The following BICD1 variants were observed in gnomAD, a reference collection of about 807,000 sequenced individuals.
BICD1 encodes protein bicaudal D homolog 1.
BICD1 carries 35 observed loss-of-function variants against 92.5 expected under a neutral mutation model. The ratio of observed to expected loss-of-function variants is 0.38; its 90% CI spans 0.29 to 0.50. The LOEUF (loss-of-function observed/expected upper bound fraction) is 0.50. Ranked by LOEUF, BICD1 falls within the 20% of genes least tolerant of loss-of-function variation. The pLI, the probability that BICD1 is intolerant of heterozygous loss-of-function variation, is 0.93. For missense variants in BICD1, 950 were observed against 1,189.8 expected, an observed-to-expected ratio of 0.80 and a Z score of 2.97; for synonymous variants, 429 against 465.1, an observed-to-expected ratio of 0.92 and a Z score of 1.00.
At chr12:32,305,258 A>G (rs1341715437) in intron 3 of BICD1, among the ~76,000 whole-genome samples, 1 of 152,174 alleles carries the variant, frequency 6.6e-6, no homozygotes, top group Non-Finnish European at 1.5e-5. Flanking sequence ...AAACAAAGTA[A>G]TGGTGATGAT....
chr12:32,355,340 G>GA (rs1939054625), intron 8 of BICD1, among the ~76,000 whole-genome samples: 1 of 152,136 alleles, frequency 6.6e-6, no homozygotes, highest in Non-Finnish European at 1.5e-5. Context: ...TAAATCCAAG[G>GA]ATTTTTTTTA....
intron 2 of BICD1, among the ~76,000 whole-genome samples, chr12:32,273,275 C>T (rs1441764403): frequency 1.3e-5 from 2 of 152,136 alleles, no homozygotes; most frequent in Non-Finnish European, 2.9e-5. Context: ...TTTTTGTTTG[C>T]TTTTACTGAA....
chr12:32,252,312 A>G (rs1946589166), intron 2 of BICD1, among the ~76,000 whole-genome samples: 1 of 150,412 alleles, frequency 6.6e-6, no homozygotes, highest in Non-Finnish European at 1.5e-5. Context: ...CTAGCAAACC[A>G]GTTTCCCTAG....
Position 32,382,499 on chromosome 12 carries a change from T to C in BICD1, c.*4872T>C, listed in dbSNP as rs1940218351. On this transcript the variant is annotated 3_prime_UTR_variant, in exon 10 of 10. Coordinates refer to ENST00000652176, the MANE Select transcript of BICD1 (RefSeq NM_001714.4). ...AGGAAAGTAAGGAGATTGTTATCTA[T>C]ATCTAGTCTCCTTTCCATATTGAAC... 6.6e-6 allele frequency: 1 copy of C among 152,072 alleles called. No homozygotes were observed. 9.4% of individuals were successfully genotyped at this position (152,072 alleles called of 1,614,324 possible).
At chr12:32,169,125 T>G (rs1271813921) in intron 1 of BICD1, among the ~76,000 whole-genome samples, 1 of 152,102 alleles carries the variant, frequency 6.6e-6, no homozygotes, top group Admixed American at 6.6e-5. Context: ...TCTGTGGAGT[T>G]TAAGGATCTG....
At chr12:32,253,435 A>G (rs1946618937) in intron 2 of BICD1, among the ~76,000 whole-genome samples, 1 of 152,012 alleles carries the variant, frequency 6.6e-6, no homozygotes, top group African/African-American at 2.4e-5. Context: ...TTTCAAAAGG[A>G]CTCAAAATAT....
At chr12:32,120,333 AT>A (rs1942097447) in intron 1 of BICD1, among the ~76,000 whole-genome samples, 1 of 152,250 alleles carries the variant, frequency 6.6e-6, no homozygotes, top group South Asian at 2.1e-4. Flanking sequence ...TAAATATAGA[AT>A]TGAAAATGAG....
intron 1 of BICD1, among the ~76,000 whole-genome samples, chr12:32,204,915 A>T (rs1379309806): frequency 1.3e-5 from 2 of 152,210 alleles, no homozygotes; most frequent in East Asian, 3.8e-4. Context: ...CCTTTCTATT[A>T]TGCGAAGCTG....
intron 2 of BICD1, among the ~76,000 whole-genome samples, chr12:32,253,017 G>A (rs188732366): frequency 2.0e-5 from 3 of 151,920 alleles, no homozygotes; most frequent in Admixed American, 1.3e-4. Context: ...TGAGTAGCTG[G>A]GACTACAGGT....
intron 8 of BICD1, among the ~76,000 whole-genome samples, chr12:32,342,204 G>GTATA (rs3075972): frequency 0.049 from 5,832 of 119,132 alleles, 191 homozygotes; most frequent in Middle Eastern, 0.12. Flanking sequence ...GTGTGTGTGT[G>GTATA]TATATATATA....
At position 32,247,643 on chromosome 12, in the gene BICD1, G is replaced by T. The variant is rs190026645; in HGVS notation, c.426+31184G>T. 1.0e-3 allele frequency among the ~76,000 whole-genome samples: 155 copies of T among 152,054 alleles called. 1 individual carries two copies. The highest frequency in any genetic ancestry group is 7.9e-4 in the Non-Finnish European group (54 of 68,010). On this transcript the variant is annotated intron_variant, in intron 2 of 9. Transcript: ENST00000652176. Reference sequence around the variant, plus strand: ...AAAATACAAAAATTAGCTGGGTGTGGTGGTGCACACTCACTTCACTCTAGC... The same window carrying T: ...AAAATACAAAAATTAGCTGGGTGTGTTGGTGCACACTCACTTCACTCTAGC...
In BICD1 at chr12:32,273,268, T is replaced by C. The variant is rs1042062736; in HGVS notation, c.427-20726T>C. 2.0e-5 allele frequency among the ~76,000 whole-genome samples: 3 copies of C among 152,326 alleles called. No individual in the cohort carries two copies. The South Asian group carries it at 6.2e-4, about 32-fold the overall frequency. Reference sequence around the variant, plus strand: ...ACTCTCATAGCCTCGATTTCTGTTTTTGTTTGCTTTTACTGAAATTGGAGT... The same window carrying C: ...ACTCTCATAGCCTCGATTTCTGTTTCTGTTTGCTTTTACTGAAATTGGAGT... On this transcript the variant is annotated intron_variant, in intron 2 of 9. Coordinates refer to ENST00000652176, the MANE Select transcript of BICD1 (RefSeq NM_001714.4).
At chr12:32,336,221 T>A (rs1347205299) in intron 6 of BICD1, among the ~76,000 whole-genome samples, 1 of 152,152 alleles carries the variant, frequency 6.6e-6, no homozygotes, top group African/African-American at 2.4e-5. Flanking sequence ...AGCGGGTAAA[T>A]AAACTCAGAA....
At chr12:32,165,323 G>A (rs1356490160) in intron 1 of BICD1, among the ~76,000 whole-genome samples, 1 of 152,152 alleles carries the variant, frequency 6.6e-6, no homozygotes, top group Non-Finnish European at 1.5e-5. Flanking sequence ...AGACCATCCT[G>A]GCTAACACGG....
intron 2 of BICD1, among the ~76,000 whole-genome samples, chr12:32,242,709 T>C (rs1339910294): frequency 6.6e-6 from 1 of 152,188 alleles, no homozygotes; most frequent in East Asian, 1.9e-4. Context: ...TTCCTTTTGA[T>C]TTTATTTTAC....
At chr12:32,208,857 C>T (rs12304066) in intron 1 of BICD1, among the ~76,000 whole-genome samples, 5,376 of 151,928 alleles carry the variant, frequency 0.035, 318 homozygotes, top group African/African-American at 0.12. Context: ...CAGTATCTCA[C>T]GTTGTTGCCC....
chr12:32,181,321 G>A (rs1260909025), intron 1 of BICD1, among the ~76,000 whole-genome samples: 1 of 151,624 alleles, frequency 6.6e-6, no homozygotes, highest in Non-Finnish European at 1.5e-5. Flanking sequence ...CGGGGAGGCT[G>A]AGGCAGGAGA....
chr12:32,112,688 T>G (rs1278150841), intron 1 of BICD1, among the ~76,000 whole-genome samples: 2 of 152,094 alleles, frequency 1.3e-5, no homozygotes, highest in African/African-American at 4.8e-5. Context: ...GCACGTAAAG[T>G]CAAGTGGCAG....
At chr12:32,193,830 A>T (rs1354173263) in intron 1 of BICD1, among the ~76,000 whole-genome samples, 3 of 152,324 alleles carry the variant, frequency 2.0e-5, no homozygotes, top group African/African-American at 7.2e-5. Flanking sequence ...ATTCGAGAGG[A>T]GGGAACACTT....
Sources: gnomAD v4.1 joint callset for allele counts (sites outside exome capture counted in the v4.1 genomes callset) on GRCh38, gnomAD v4.1.1 for gene constraint, MANE v1.5 for transcripts, NCBI Gene and HGNC (gene_info 2026-07-23, HGNC 2026-07-21) for gene names.